Variants in SRL observed in about 807,000 individuals in gnomAD.
The protein encoded by SRL is sarcalumenin.
SRL carries 23 observed loss-of-function variants against 39.5 expected under a neutral mutation model. The observed-to-expected ratio is 0.58, with a 90% confidence interval of 0.42 to 0.82. The LOEUF (loss-of-function observed/expected upper bound fraction) is 0.82, where lower values mean the gene tolerates loss of function less well. Among genes scored for constraint, SRL ranks in the 40% least tolerant of loss-of-function variants. The pLI is 0.00. For synonymous variants in SRL, 272 were observed against 237.4 expected, an observed-to-expected ratio of 1.15 and a Z score of -1.34; for missense variants, 592 against 607.8, an observed-to-expected ratio of 0.97 and a Z score of 0.27.
intron 5 of SRL, among the ~76,000 whole-genome samples, chr16:4,194,354 G>A (rs1163204121): frequency 6.6e-6 from 1 of 152,130 alleles, no homozygotes; most frequent in African/African-American, 2.4e-5. Flanking sequence ...AACCACTCTG[G>A]TTTCTGTCTT....
chr16:4,234,587 G>A (rs994773898), intron 1 of SRL, among the ~76,000 whole-genome samples: 33 of 152,182 alleles, frequency 2.2e-4, no homozygotes, highest in African/African-American at 7.5e-4. Flanking sequence ...ACAGGCTGCC[G>A]CCATCGAGGA....
At chr16:4,194,410 TC>T (rs2052107256) in intron 5 of SRL, among the ~76,000 whole-genome samples, 1 of 152,138 alleles carries the variant, frequency 6.6e-6, no homozygotes, top group Admixed American at 6.6e-5. Flanking sequence ...ACATTAGCAT[TC>T]CCCTGCTACC....
At chr16:4,213,514 A>T (rs1300826266) in intron 1 of SRL, among the ~76,000 whole-genome samples, 10 of 138,952 alleles carry the variant, frequency 7.2e-5, no homozygotes, top group Non-Finnish European at 1.4e-4. Flanking sequence ...GGCTCAAGGG[A>T]TCCTCCCACC....
chr16:4,208,327 T>C (rs1487050054), intron 1 of SRL, among the ~76,000 whole-genome samples: 1 of 151,896 alleles, frequency 6.6e-6, no homozygotes, highest in Non-Finnish European at 1.5e-5. Context: ...GATCAGGGAG[T>C]TAAAGGACTG....
At chr16:4,203,116 CCTGCG>C in intron 3 of SRL, 45 bp downstream of exon 3, 1 of 1,546,990 alleles carries the variant, frequency 6.5e-7, no homozygotes, top group Middle Eastern at 1.7e-4. Flanking sequence ...CGCCGACAGG[CCTGCG>C]CCGTACCCGT....
chr16:4,190,372 C>T lies in SRL; in HGVS notation c.*1781G>A, dbSNP rs577320960. On this transcript the variant is annotated 3_prime_UTR_variant, in exon 6 of 6. Coordinates refer to ENST00000399609, the MANE Select transcript of SRL (RefSeq NM_001098814.2). ...TGAGCTGGTGCATCCTGACTCCTGCCTCGTGGGTAAGGCCCCCAGGACAGC... is the reference window on the plus strand; with the variant it reads ...TGAGCTGGTGCATCCTGACTCCTGCTTCGTGGGTAAGGCCCCCAGGACAGC... 2 of 398,760 alleles carry T rather than the reference C, an allele frequency of 5.0e-6. No homozygotes were observed. Among genetic ancestry groups the T allele is most frequent in the South Asian group, 2.5e-4 (2 of 7,864 alleles). 24.7% of individuals were successfully genotyped at this position (398,760 alleles called of 1,614,324 possible).
chr16:4,232,475 G>A (rs77757406), intron 1 of SRL, among the ~76,000 whole-genome samples: 79 of 152,226 alleles, frequency 5.2e-4, no homozygotes, highest in African/African-American at 1.9e-3. Flanking sequence ...GCTTCCAAAG[G>A]AATGGCTTGG....
At chr16:4,233,898 G>A (rs1048573820) in intron 1 of SRL, among the ~76,000 whole-genome samples, 1 of 151,988 alleles carries the variant, frequency 6.6e-6, no homozygotes, top group Non-Finnish European at 1.5e-5. Context: ...CCTAAAGGGG[G>A]ACTCCCTTTA....
intron 1 of SRL, among the ~76,000 whole-genome samples, chr16:4,227,093 G>A (rs947209468): frequency 5.3e-5 from 8 of 150,478 alleles, no homozygotes; most frequent in Non-Finnish European, 8.9e-5. Context: ...ATGAACAGAT[G>A]GATGGATGGA....
intron 1 of SRL, among the ~76,000 whole-genome samples, chr16:4,212,240 G>A (rs2052402389): frequency 2.0e-5 from 3 of 152,182 alleles, no homozygotes; most frequent in African/African-American, 7.2e-5. Context: ...GAGGATAATG[G>A]CTTCTTACAC....
intron 2 of SRL, 21 bp downstream of exon 2, chr16:4,204,512 A>G (rs759577401): frequency 2.6e-6 from 4 of 1,522,684 alleles, no homozygotes; most frequent in South Asian, 1.1e-5. Flanking sequence ...AGCCCTGGGC[A>G]TATCTCCCTC....
Position 4,190,263 on chromosome 16 carries a change from A to G in SRL, c.*1890T>C. 1 of 398,882 alleles carries G rather than the reference A, an allele frequency of 2.5e-6. No individual in the cohort carries two copies. The highest frequency in any genetic ancestry group is 1.3e-4 in the South Asian group (1 of 7,854). 24.7% of individuals were successfully genotyped at this position (398,882 alleles called of 1,614,324 possible). On this transcript the variant is annotated 3_prime_UTR_variant, in exon 6 of 6. Transcript: ENST00000399609. ...CCTCATAGACCTAACCTGACTGCCA[A>G]CTGGCTTACCCTGCCTGACCTCAGA...
chr16:4,200,685 C>T (rs1383429573), intron 3 of SRL, among the ~76,000 whole-genome samples: 2 of 152,220 alleles, frequency 1.3e-5, no homozygotes, highest in African/African-American at 4.8e-5. Context: ...ATACCAATAG[C>T]TGTGCATCCA....
At chr16:4,214,211 G>C (rs1049190905) in intron 1 of SRL, among the ~76,000 whole-genome samples, 1 of 152,198 alleles carries the variant, frequency 6.6e-6, no homozygotes, top group Non-Finnish European at 1.5e-5. Flanking sequence ...AATGTATTCA[G>C]TGCCTTCGTG....
At chr16:4,206,982 G>T (rs563346712) in intron 1 of SRL, 1 of 454,290 alleles carries the variant, frequency 2.2e-6, no homozygotes, top group Non-Finnish European at 4.4e-6. Flanking sequence ...TTCCTGTGGC[G>T]CTCCACCTTC....
chr16:4,192,677 G>T lies in SRL; in HGVS notation c.898C>A (p.Pro300Thr). The part of the protein sequence containing the change: ...VSSFWPQEYK[P>T]DTHQELFLQE... ...AGGAACAGTTCCTGATGGGTGTCCG[G>T]CTTATACTCTTGTGGCCAGAAGGAG... Residue 300 changes from proline (P) to threonine (T), a missense_variant, in exon 6 of 6, where the codon CCG becomes ACG. Coordinates refer to ENST00000399609, the MANE Select transcript of SRL (RefSeq NM_001098814.2). The surrounding 1 kb of genome is among the most constrained non-coding windows in gnomAD (Gnocchi z 4.0). 6.2e-7 allele frequency: 1 copy of T among 1,614,096 alleles called. No individual in the cohort carries two copies. The highest frequency in any genetic ancestry group is 2.2e-5 in the East Asian group (1 of 44,884).
In SRL at chr16:4,201,637, T is replaced by TTTTGTTTGTTTG. The variant is rs3081045; in HGVS notation, c.259+1517_259+1528dup. On this transcript the variant is annotated intron_variant, in intron 3 of 5. Transcript: ENST00000399609. ...GCTGGGCCCAATTTTTGTGTGTGTG[T>TTTTGTTTGTTTG]TTTGTTTGTTTGTTTGTTTGTTTGT... Among the ~76,000 whole-genome samples the TTTTGTTTGTTTG allele has an allele frequency of 1.4e-4, 17 of 122,244 alleles. 4 individuals carry two copies. Among genetic ancestry groups the TTTTGTTTGTTTG allele is most frequent in the Middle Eastern group, 3.8e-3 (1 of 266 alleles). The allele number at this position is 122,244 out of a possible 152,430, so 80.2% of individuals were successfully genotyped here.
At chr16:4,202,402 G>T (rs995586188) in intron 3 of SRL, among the ~76,000 whole-genome samples, 22 of 152,104 alleles carry the variant, frequency 1.4e-4, no homozygotes, top group African/African-American at 4.1e-4. Flanking sequence ...GACCATCCTG[G>T]CTAACATGGT....
intron 1 of SRL, among the ~76,000 whole-genome samples, chr16:4,221,888 G>C (rs547574498): frequency 6.6e-6 from 1 of 152,130 alleles, no homozygotes; most frequent in South Asian, 2.1e-4. Flanking sequence ...CTGACACAAG[G>C]CCTTCTCTGT....
Sources: gnomAD v4.1 joint callset for allele counts (sites outside exome capture counted in the v4.1 genomes callset) on GRCh38, gnomAD v4.1.1 for gene constraint, Gnocchi (gnomAD v3.1) non-coding constraint, MANE v1.5 for transcripts, NCBI Gene and HGNC (gene_info 2026-07-23, HGNC 2026-07-21) for gene names.